Variants in LMLN observed in about 807,000 individuals in gnomAD.
LMLN encodes leishmanolysin-like peptidase.
LMLN carries 70 observed loss-of-function variants against 92.3 expected under a neutral mutation model. The ratio of observed to expected loss-of-function variants is 0.76; its 90% confidence interval spans 0.63 to 0.92. LMLN has a LOEUF of 0.92. Ranked by LOEUF, LMLN falls within the 40% of genes least tolerant of loss-of-function variation. The pLI, the probability that LMLN is intolerant of heterozygous loss-of-function variation, is 0.00. For missense variants in LMLN, 691 were observed against 814.6 expected, an observed-to-expected ratio of 0.85 and a Z score of 1.85; for synonymous variants, 308 against 296.2, an observed-to-expected ratio of 1.04 and a Z score of -0.41.
intron 11 of LMLN, among the ~76,000 whole-genome samples, chr3:198,011,987 GC>G (rs1722455848): frequency 6.6e-6 from 1 of 152,156 alleles, no homozygotes; most frequent in African/African-American, 2.4e-5. Flanking sequence ...CTGACAAAGG[GC>G]TAATATCGAG....
At chr3:198,010,174 G>T (rs1233208774) in intron 11 of LMLN, among the ~76,000 whole-genome samples, 1 of 152,006 alleles carries the variant, frequency 6.6e-6, no homozygotes, top group East Asian at 1.9e-4. Context: ...TATTTTTTGA[G>T]ATGGAGTCTC....
At chr3:198,037,080 T>TG (rs1394904344) in intron 15 of LMLN, among the ~76,000 whole-genome samples, 4 of 152,214 alleles carry the variant, frequency 2.6e-5, no homozygotes, top group Non-Finnish European at 1.5e-5. Context: ...GTACTTGTGT[T>TG]GGGGGTCCCC....
chr3:198,035,784 T>A (rs374942929), intron 14 of LMLN, 49 bp from the exon 16 acceptor site: 1 of 1,352,916 alleles, frequency 7.4e-7, no homozygotes, highest in African/African-American at 1.5e-5. Flanking sequence ...AGAATCTTAC[T>A]GACCTGATAT....
At chr3:197,970,891 C>G (rs907258028) in intron 1 of LMLN, among the ~76,000 whole-genome samples, 3 of 152,194 alleles carry the variant, frequency 2.0e-5, no homozygotes, top group Non-Finnish European at 4.4e-5. Context: ...AAACAGGTTA[C>G]CCTTTTGTGT....
intron 8 of LMLN, among the ~76,000 whole-genome samples, chr3:197,987,367 G>A (rs1218027518): frequency 6.6e-6 from 1 of 150,954 alleles, no homozygotes. Flanking sequence ...CACCATGTTA[G>A]CCAGGATGAT....
chr3:198,032,146 G>A (rs1040981698), intron 14 of LMLN, among the ~76,000 whole-genome samples: 12 of 151,640 alleles, frequency 7.9e-5, no homozygotes, highest in Non-Finnish European at 2.9e-5. Context: ...AAGCCAGTTT[G>A]GAAGCTCTGA....
chr3:198,043,575 G>A (rs1723471791), exon 16 of LMLN: 1 of 152,456 alleles, frequency 6.6e-6, no homozygotes, highest in South Asian at 2.1e-4. Context: ...ATATATATTG[G>A]GTCAGGGACA....
chr3:198,032,612 C>T (rs559004601), intron 14 of LMLN, among the ~76,000 whole-genome samples: 3 of 152,236 alleles, frequency 2.0e-5, no homozygotes, highest in African/African-American at 7.2e-5. Flanking sequence ...TGGCGGAAGG[C>T]AGAGTGGGGG....
At chr3:197,976,265 G>T in intron 4 of LMLN, 154 bp downstream of exon 4, 1 of 527,234 alleles carries the variant, frequency 1.9e-6, no homozygotes, top group South Asian at 3.2e-5. Context: ...GAATAAAAAA[G>T]CACCTGCTGG....
Position 197,998,054 on chromosome 3 carries a change from G to A in LMLN, c.1156-1212G>A, listed in dbSNP as rs566145494. ...AAGGATATTAGAAGGAATACACAGCGTGCCAGCGCAGTAGAGCCAGGCATT... is the reference window on the plus strand; with the variant it reads ...AAGGATATTAGAAGGAATACACAGCATGCCAGCGCAGTAGAGCCAGGCATT... On this transcript the variant is annotated intron_variant, in intron 10 of 15. Transcript: ENST00000330198. Among the ~76,000 whole-genome samples, 13 of 152,292 alleles carry A rather than the reference G, an allele frequency of 8.5e-5. No homozygotes were observed. The East Asian group carries it at 2.1e-3, about 25-fold the overall frequency.
At chr3:197,970,203 T>G (rs1721185992) in intron 1 of LMLN, among the ~76,000 whole-genome samples, 2 of 152,138 alleles carry the variant, frequency 1.3e-5, no homozygotes, top group Non-Finnish European at 2.9e-5. Context: ...ACTTCACAAT[T>G]AAAAATTTTA....
intron 6 of LMLN, chr3:197,980,820 A>G (rs1721535775): frequency 4.3e-6 from 1 of 233,104 alleles, no homozygotes; most frequent in African/African-American, 2.3e-5. Context: ...TCTGCTGTCA[A>G]GTGGGCCAAG....
exon 16 of LMLN, chr3:198,038,695 T>C: frequency 6.7e-7 from 1 of 1,501,948 alleles, no homozygotes; most frequent in South Asian, 1.1e-5. Flanking sequence ...TTCAAGATAT[T>C]CTTTTATGTT....
intron 8 of LMLN, among the ~76,000 whole-genome samples, chr3:197,986,662 C>T (rs1368258576): frequency 3.3e-5 from 5 of 152,038 alleles, no homozygotes; most frequent in African/African-American, 7.2e-5. Flanking sequence ...TATGTGTAAA[C>T]GTTGCCTTGC....
In LMLN at chr3:198,020,768, ATTTTTTTTTTTTT is replaced by A. The variant is rs71166715; in HGVS notation, c.1366-658_1366-646del. ...GCCACCACACCCAGCTAATTTTTGT[ATTTTTTTTTTTTT>A]TTTTTTTTTTTTTTTTTTTAGTAGA... On this transcript the variant is annotated intron_variant, in intron 12 of 15. Transcript: ENST00000330198. 3.3e-4 allele frequency among the ~76,000 whole-genome samples: 11 copies of A among 32,874 alleles called. No homozygotes were observed. The East Asian group carries it at 4.5e-3, about 14-fold the overall frequency. 21.6% of individuals were successfully genotyped at this position (32,874 alleles called of 152,430 possible).
At chr3:198,034,857 G>A (rs1581188088) in intron 14 of LMLN, among the ~76,000 whole-genome samples, 1 of 152,152 alleles carries the variant, frequency 6.6e-6, no homozygotes, top group East Asian at 1.9e-4. Context: ...ATAAATTCTT[G>A]TTTGTTTATA....
chr3:197,973,006 C>T (rs78295964), intron 1 of LMLN, among the ~76,000 whole-genome samples: 9,836 of 152,214 alleles, frequency 0.065, 379 homozygotes, highest in African/African-American at 0.1. Flanking sequence ...CTTCCTGCCA[C>T]TCCAAGAGAC....
intron 5 of LMLN, 118 bp from the exon 6 acceptor site, chr3:197,980,208 A>G: frequency 1.3e-6 from 1 of 765,232 alleles, no homozygotes; most frequent in South Asian, 2.2e-5. Context: ...ATAAAAGTTT[A>G]GGGATAATAA....
At chr3:197,967,295 G>A (rs544866054) in intron 1 of LMLN, among the ~76,000 whole-genome samples, 1 of 152,136 alleles carries the variant, frequency 6.6e-6, no homozygotes, top group Non-Finnish European at 1.5e-5. Context: ...CTAAGTGTCA[G>A]CCAGCTGAGA....
Sources: allele counts gnomAD v4.1 joint callset (sites outside exome capture counted in the v4.1 genomes callset), GRCh38; gene constraint gnomAD v4.1.1; transcripts MANE v1.5; gene names NCBI Gene and HGNC (gene_info 2026-07-23, HGNC 2026-07-21).